TSHZ2: variants seen among roughly 807,000 people sequenced by gnomAD.
TSHZ2 encodes teashirt zinc finger homeobox 2.
A neutral mutation model predicts 74.4 loss-of-function variants in TSHZ2; 21 were observed. The ratio of observed to expected loss-of-function variants is 0.28; its 90% confidence interval spans 0.20 to 0.41. The LOEUF is 0.41. TSHZ2 is among the 10% of genes least tolerant of loss of function. The probability of loss-of-function intolerance (pLI) is 1.00; values close to 1 mark genes in which losing one functional copy is unlikely to be tolerated. For synonymous variants in TSHZ2, 540 were observed against 515.3 expected (o/e 1.05, Z -0.65); for missense variants, 1,244 against 1,293.5 (o/e 0.96, Z 0.59).
chr20:53,207,307 G>A (rs1455056382), intron 1 of TSHZ2, among the ~76,000 whole-genome samples: 1 of 152,178 alleles, frequency 6.6e-6, no homozygotes, highest in Non-Finnish European at 1.5e-5. Flanking sequence ...AAATCACAGA[G>A]GGGAGTTGTT....
intron 1 of TSHZ2, among the ~76,000 whole-genome samples, chr20:53,230,508 C>T (rs917333966): frequency 6.6e-6 from 1 of 152,132 alleles, no homozygotes; most frequent in Admixed American, 6.5e-5. Context: ...AAATGTCATG[C>T]CACATGCACA....
chr20:53,020,930 C>A (rs1983222425), intron 1 of TSHZ2, among the ~76,000 whole-genome samples: 1 of 152,172 alleles, frequency 6.6e-6, no homozygotes, highest in African/African-American at 2.4e-5. Context: ...CTAGTATTAA[C>A]CCTCAATTTC....
intron 2 of TSHZ2, among the ~76,000 whole-genome samples, chr20:53,423,611 C>T (rs899399868): frequency 1.2e-4 from 18 of 152,186 alleles, no homozygotes; most frequent in African/African-American, 4.3e-4. Flanking sequence ...TTTCTCTAGA[C>T]TTTGCCAACT....
chr20:53,229,911 AAGAG>A (rs1474114287), intron 1 of TSHZ2, among the ~76,000 whole-genome samples: 1 of 151,018 alleles, frequency 6.6e-6, no homozygotes, highest in South Asian at 2.1e-4. Context: ...AGGGGAAAAA[AAGAG>A]AAAGAAGAAG....
At chr20:53,419,020 G>C (rs1048242784) in intron 2 of TSHZ2, among the ~76,000 whole-genome samples, 4 of 152,192 alleles carry the variant, frequency 2.6e-5, no homozygotes, top group Non-Finnish European at 5.9e-5. Context: ...AAGCCATCCT[G>C]TGCAATGAAG....
intron 1 of TSHZ2, among the ~76,000 whole-genome samples, chr20:53,040,318 C>G (rs943038485): frequency 4.6e-5 from 7 of 152,166 alleles, no homozygotes; most frequent in African/African-American, 1.7e-4. Context: ...TTTGGAGCCG[C>G]ATGGCACCTG....
intron 2 of TSHZ2, among the ~76,000 whole-genome samples, chr20:53,423,326 G>T (rs954460572): frequency 3.9e-5 from 6 of 152,148 alleles, no homozygotes; most frequent in Non-Finnish European, 7.3e-5. Flanking sequence ...AGAGGTTGTA[G>T]TGAGCTGAGA....
intron 1 of TSHZ2, among the ~76,000 whole-genome samples, chr20:53,020,271 G>T (rs997813983): frequency 6.6e-6 from 1 of 152,106 alleles, no homozygotes; most frequent in African/African-American, 2.4e-5. Flanking sequence ...TTCTATTACT[G>T]TTGGTCCATT....
chr20:53,169,374 C>T (rs1214620544), intron 1 of TSHZ2, among the ~76,000 whole-genome samples: 1 of 152,214 alleles, frequency 6.6e-6, no homozygotes, highest in Non-Finnish European at 1.5e-5. Flanking sequence ...TCTAGTCTCC[C>T]ATGCTTCCTT....
chr20:53,205,887 C>T (rs943005073), intron 1 of TSHZ2, among the ~76,000 whole-genome samples: 2 of 152,162 alleles, frequency 1.3e-5, no homozygotes, highest in Admixed American at 6.5e-5. Flanking sequence ...CTGGTGAAGC[C>T]ATTTACATTC....
chr20:53,276,231 G>T (rs928889011), intron 2 of TSHZ2, among the ~76,000 whole-genome samples: 1 of 145,330 alleles, frequency 6.9e-6, no homozygotes, highest in Non-Finnish European at 1.5e-5. Flanking sequence ...TTAGCTCCAG[G>T]CCTGGCTCTT....
At chr20:53,241,130 A>G (rs1479516638) in intron 1 of TSHZ2, among the ~76,000 whole-genome samples, 1 of 152,194 alleles carries the variant, frequency 6.6e-6, no homozygotes, top group Non-Finnish European at 1.5e-5. Flanking sequence ...GCTCTTGGAA[A>G]TATCATTCTT....
chr20:53,088,444 A>AGTT (rs1985765282), intron 1 of TSHZ2, among the ~76,000 whole-genome samples: 2 of 152,224 alleles, frequency 1.3e-5, no homozygotes. Context: ...CACTAGCAAC[A>AGTT]AATTGGCATT....
At position 53,256,475 on chromosome 20, in the gene TSHZ2, A is replaced by C. The variant is rs761101493; in HGVS notation, c.3017A>C (p.Lys1006Thr). Reference protein sequence around the residue: ...CKLCCRTFVSKHAVKLHLSKT... With the variant: ...CKLCCRTFVSTHAVKLHLSKT... ...TTGTGCTGTCGGACATTTGTGAGCA[A>C]ACATGCGGTAAAACTCCACCTAAGC... The change falls in exon 2 of 3, where the codon AAA becomes ACA. Residue 1006 changes from lysine (K) to threonine (T), a missense_variant. Lys to Thr is a moderately conservative substitution (Grantham distance 78). This residue lies in a region of TSHZ2 where 185 missense variants were observed against 213.3 expected (regional missense o/e 0.87). Coordinates refer to ENST00000371497, the MANE Select transcript of TSHZ2 (RefSeq NM_173485.6). This position sits in a 1 kb window ranked among gnomAD's most constrained non-coding sequence, Gnocchi z 4.3. The C allele has an allele frequency of 4.3e-6, 7 of 1,614,080 alleles. No individual in the cohort carries two copies. Among genetic ancestry groups the C allele is most frequent in the Non-Finnish European group, 5.9e-6 (7 of 1,179,916 alleles).
intron 2 of TSHZ2, among the ~76,000 whole-genome samples, chr20:53,486,756 G>C (rs1986298678): frequency 1.3e-5 from 2 of 152,160 alleles, no homozygotes; most frequent in African/African-American, 4.8e-5. Context: ...TGGGAATATT[G>C]CATGATGGTG....
chr20:52,995,010 G>A (rs2248269), intron 1 of TSHZ2, among the ~76,000 whole-genome samples: 65,311 of 152,026 alleles, frequency 0.43, 14,408 homozygotes, highest in Non-Finnish European at 0.47. Context: ...TAGTTCAGAT[G>A]GAAGACACAT....
intron 1 of TSHZ2, among the ~76,000 whole-genome samples, chr20:53,056,365 G>A (rs1984639617): frequency 6.6e-6 from 1 of 152,130 alleles, no homozygotes; most frequent in Non-Finnish European, 1.5e-5. Flanking sequence ...CCCTTGAACT[G>A]GATGAGGAAA....
At chr20:53,204,955 C>T (rs1989129245) in intron 1 of TSHZ2, among the ~76,000 whole-genome samples, 2 of 151,686 alleles carry the variant, frequency 1.3e-5, no homozygotes, top group Non-Finnish European at 2.9e-5. Flanking sequence ...TAGCCGGCGC[C>T]ATGTGTGCAC....
At chr20:53,285,618 G>A (rs1991149074) in intron 2 of TSHZ2, among the ~76,000 whole-genome samples, 2 of 152,050 alleles carry the variant, frequency 1.3e-5, no homozygotes, top group South Asian at 4.2e-4. Context: ...GCTGAGGCAG[G>A]AGAATTGCTT....
Sources: gnomAD v4.1 joint callset for allele counts (sites outside exome capture counted in the v4.1 genomes callset) on GRCh38, gnomAD v4.1.1 for gene constraint, gnomAD v4.1.1 regional missense constraint, Gnocchi (gnomAD v3.1) non-coding constraint, MANE v1.5 for transcripts, NCBI Gene and HGNC (gene_info 2026-07-23, HGNC 2026-07-21) for gene names.